The following MICAL2 variants were observed in gnomAD, a reference collection of about 807,000 sequenced individuals.
The protein encoded by MICAL2 is microtubule associated monooxygenase, calponin and LIM domain containing 2.
Under a neutral mutation model 127.3 loss-of-function variants are expected in MICAL2, and 77 were observed. The observed-to-expected ratio is 0.60, with a 90% CI of 0.50 to 0.73. The LOEUF (loss-of-function observed/expected upper bound fraction) is 0.73. Ranked by LOEUF, MICAL2 falls within the 30% of genes least tolerant of loss-of-function variation. MICAL2 has a pLI of 0.00. For missense variants in MICAL2, 1,351 were observed against 1,434.4 expected (o/e 0.94, Z 0.94); for synonymous variants, 570 against 551.1 (o/e 1.03, Z -0.48).
intron 3 of MICAL2, among the ~76,000 whole-genome samples, chr11:12,173,219 A>G (rs1856477138): frequency 6.6e-6 from 1 of 152,204 alleles, no homozygotes; most frequent in African/African-American, 2.4e-5. Context: ...TACAGTCTTA[A>G]GAGATGTAAA....
chr11:12,258,583 A>G (rs1272383896), intron 25 of MICAL2, 27 bp downstream of exon 25: 2 of 1,599,514 alleles, frequency 1.3e-6, no homozygotes, highest in Non-Finnish European at 1.7e-6. Context: ...CATGCTGGTG[A>G]AACGGGGAAG....
chr11:12,123,062 C>A (rs142944367), intron 1 of MICAL2, among the ~76,000 whole-genome samples: 2 of 152,142 alleles, frequency 1.3e-5, no homozygotes, highest in East Asian at 3.9e-4. Flanking sequence ...TTAATCAAAT[C>A]TCTAACACCA....
chr11:12,193,183 C>T (rs943830491), intron 3 of MICAL2, among the ~76,000 whole-genome samples: 4 of 152,238 alleles, frequency 2.6e-5, no homozygotes, highest in African/African-American at 9.6e-5. Flanking sequence ...GTCTATAGGG[C>T]GAGAGACTTC....
intron 32 of MICAL2, among the ~76,000 whole-genome samples, chr11:12,349,476 G>C (rs1278719764): frequency 6.6e-6 from 1 of 152,160 alleles, no homozygotes; most frequent in African/African-American, 2.4e-5. Flanking sequence ...ATGAGCAGCA[G>C]CTAGGGTTGT....
chr11:12,180,921 C>CTTTTTTTTTTTTTTTTTTTTTTTTTTT, intron 3 of MICAL2, among the ~76,000 whole-genome samples: 1 of 82,474 alleles, frequency 1.2e-5, no homozygotes, highest in Non-Finnish European at 2.5e-5. Context: ...TATTTTCCTT[C>CTTTTTTTTTTTTTTTTTTTTTTTTTTT]TTTTTTTTTT....
chr11:12,161,107 C>T (rs548018745), intron 2 of MICAL2, among the ~76,000 whole-genome samples: 2 of 152,182 alleles, frequency 1.3e-5, no homozygotes, highest in South Asian at 4.1e-4. Flanking sequence ...TGGGTCAGCC[C>T]CAGCTCCTCC....
At chr11:12,131,998 C>T (rs561731896) in intron 1 of MICAL2, among the ~76,000 whole-genome samples, 1 of 152,218 alleles carries the variant, frequency 6.6e-6, no homozygotes, top group Admixed American at 6.5e-5. Context: ...ATAAGGTAGA[C>T]GTCATTCCAC....
exon 1 of MICAL2, chr11:12,276,130 T>C: frequency 2.5e-6 from 1 of 399,208 alleles, no homozygotes; most frequent in East Asian, 3.6e-5. Flanking sequence ...CAGGATGTGC[T>C]GGCTGTGCGT....
chr11:12,215,859 C>G (rs1403119935), intron 7 of MICAL2, among the ~76,000 whole-genome samples: 1 of 152,330 alleles, frequency 6.6e-6, no homozygotes. Context: ...GGACTTGGAG[C>G]TAGATGGGCT....
chr11:12,304,645 C>T (rs1244017951), intron 29 of MICAL2, among the ~76,000 whole-genome samples: 4 of 103,406 alleles, frequency 3.9e-5, no homozygotes, highest in Non-Finnish European at 7.9e-5. Context: ...CAAACACACA[C>T]ACACACACAC....
chr11:12,266,400 G>C (rs1307731805), downstream of MICAL2, among the ~76,000 whole-genome samples: 1 of 152,032 alleles, frequency 6.6e-6, no homozygotes, highest in Admixed American at 6.6e-5. Context: ...TGGGTGGGCT[G>C]TTCCCCTTTA....
intron 29 of MICAL2, chr11:12,303,713 T>C (rs1413414756): frequency 6.6e-6 from 1 of 152,260 alleles, no homozygotes; most frequent in African/African-American, 2.4e-5. Flanking sequence ...CCCATACTTT[T>C]ATTGTATTAT....
chr11:12,358,886 T>G (rs1939170395), downstream of MICAL2: 1 of 153,472 alleles, frequency 6.5e-6, no homozygotes, highest in African/African-American at 2.4e-5. Flanking sequence ...ATATTTGCCT[T>G]TTTTGTATGG....
At chr11:12,294,797 GCTCCTCCTCCTCCTC>G (rs3841216), downstream of MICAL2, 385 of 1,500,282 alleles carry the variant, frequency 2.6e-4, 2 homozygotes, top group African/African-American at 5.1e-3. Context: ...GCGCCAGGCA[GCTCCTCCTCCTCCTC>G]CTCCTCCTCC....
chr11:12,186,567 T>C (rs932345096), intron 3 of MICAL2, among the ~76,000 whole-genome samples: 2 of 152,112 alleles, frequency 1.3e-5, no homozygotes, highest in African/African-American at 4.8e-5. Flanking sequence ...TAAAGATGCA[T>C]GGTCTCTTCA....
chr11:12,260,354 T>C, intron 26 of MICAL2: 1 of 1,379,760 alleles, frequency 7.2e-7, no homozygotes, highest in East Asian at 2.7e-5. Flanking sequence ...CTACTCACGG[T>C]GCTAGGGCCA....
intron 26 of MICAL2, chr11:12,261,458 C>T: frequency 1.0e-6 from 1 of 985,470 alleles, no homozygotes; most frequent in East Asian, 1.1e-4. Context: ...CTCAGCTCTC[C>T]CTACTCCACG....
Position 12,204,459 on chromosome 11 carries a change from T to C in MICAL2, c.472+2T>C, listed in dbSNP as rs1590337358. ...GTGCTGGCTCCATCGACCATATCAGTGAGTGGAGTCTATGGTGATATCCCA... is the reference window on the plus strand; with the variant it reads ...GTGCTGGCTCCATCGACCATATCAGCGAGTGGAGTCTATGGTGATATCCCA... On this transcript the variant is annotated splice_donor_variant, in intron 4 of 27. Transcript: ENST00000683283. LOFTEE classifies it high-confidence loss of function. 2 of 1,613,838 alleles carry C rather than the reference T, an allele frequency of 1.2e-6. No individual in the cohort carries two copies. The highest frequency in any genetic ancestry group is 2.2e-5 in the East Asian group (1 of 44,886).
At chr11:12,355,433 A>G (rs1939115365) in intron 34 of MICAL2, among the ~76,000 whole-genome samples, 1 of 152,204 alleles carries the variant, frequency 6.6e-6, no homozygotes. Context: ...GACACAGTAT[A>G]CTGCTGTATG....
Sources: allele counts gnomAD v4.1 joint callset (sites outside exome capture counted in the v4.1 genomes callset), GRCh38; gene constraint gnomAD v4.1.1; transcripts MANE v1.5; gene names NCBI Gene and HGNC (gene_info 2026-07-23, HGNC 2026-07-21).